HSD17B13: variants seen among roughly 807,000 people sequenced by gnomAD.
The protein encoded by HSD17B13 is 17-beta-hydroxysteroid dehydrogenase 13.
A neutral mutation model predicts 31.1 loss-of-function variants in HSD17B13; 26 were observed. The ratio of observed to expected loss-of-function variants is 0.84; its 90% CI spans 0.61 to 1.16. The LOEUF (loss-of-function observed/expected upper bound fraction) is 1.16, where lower values mean the gene tolerates loss of function less well. HSD17B13 is among the 50% of genes most tolerant of loss of function. The pLI is 0.00. For missense variants in HSD17B13, 374 were observed against 366.5 expected, an observed-to-expected ratio of 1.02 and a Z score of -0.17; for synonymous variants, 141 against 133.7, an observed-to-expected ratio of 1.05 and a Z score of -0.38.
chr4:87,307,994 A>G lies in HSD17B13; in HGVS notation c.812+2249T>C, dbSNP rs1734429988. Among the ~76,000 whole-genome samples the G allele has an allele frequency of 2.0e-5, 3 of 152,316 alleles. No homozygotes were observed. The South Asian group carries it at 6.2e-4, about 32-fold the overall frequency. The stretch of plus-strand genomic sequence containing the variant: ...TTTCAAAAAGGCCCAAGGCTTATGA[A>G]GTTAGTATAGTTATCTTCTCACTGA... On this transcript the variant is annotated intron_variant, in intron 6 of 6. Transcript: ENST00000328546.
intron 6 of HSD17B13, among the ~76,000 whole-genome samples, chr4:87,306,351 A>G (rs889886238): frequency 6.6e-6 from 1 of 152,188 alleles, no homozygotes; most frequent in African/African-American, 2.4e-5. Context: ...GCAAGCCTTC[A>G]CCTCTCCTTT....
At chr4:87,313,746 C>G in intron 5 of HSD17B13, 77 bp downstream of exon 5, 1 of 1,176,046 alleles carries the variant, frequency 8.5e-7, no homozygotes, top group South Asian at 1.6e-5. Context: ...ATTAGTTGGC[C>G]TGCCTAAACA....
chr4:87,322,571 T>G (rs1441000132), intron 1 of HSD17B13, 61 bp downstream of exon 1: 3 of 1,271,518 alleles, frequency 2.4e-6, no homozygotes, highest in African/African-American at 1.5e-5. Context: ...GTAAGTCAAA[T>G]AATTCTTAAA....
intron 1 of HSD17B13, 129 bp downstream of exon 1, chr4:87,322,503 T>C: frequency 1.4e-6 from 1 of 700,376 alleles, no homozygotes; most frequent in Non-Finnish European, 2.5e-6. Context: ...ATATACAGAC[T>C]AAGGGACCAG....
intron 4 of HSD17B13, 91 bp downstream of exon 4, chr4:87,315,402 A>G: frequency 1.7e-6 from 1 of 585,530 alleles, no homozygotes; most frequent in African/African-American, 1.9e-5. Context: ...CAAGATGCCA[A>G]GAACCAGGAC....
Position 87,310,316 on chromosome 4 carries a change from T to A in HSD17B13, c.739A>T (p.Ile247Leu). The A allele has an allele frequency of 6.3e-7, 1 of 1,574,822 alleles. No homozygotes were observed. The highest frequency in any genetic ancestry group is 8.6e-7 in the Non-Finnish European group (1 of 1,165,422). ...LETDEVVRSL[I>L]DGILTNKKMI... ...TTCTTATTGGTAAGTATTCCATCTA[T>A]CAGACTTCTTACGACTTCATCTGTC... Residue 247 changes from isoleucine to leucine, a missense_variant, in exon 6 of 7, where the codon ATA becomes TTA. By Grantham distance (5) the Ile-to-Leu change is conservative. Coordinates refer to ENST00000328546, the MANE Select transcript of HSD17B13 (RefSeq NM_178135.5).
intron 6 of HSD17B13, among the ~76,000 whole-genome samples, chr4:87,306,745 A>T (rs1734396623): frequency 6.6e-6 from 1 of 151,888 alleles, no homozygotes; most frequent in African/African-American, 2.4e-5. Context: ...TCTCTACTAA[A>T]AATACAAAAA....
chr4:87,317,055 G>T (rs1378413539), intron 3 of HSD17B13, 37 bp downstream of exon 3: 9 of 1,604,356 alleles, frequency 5.6e-6, no homozygotes, highest in Non-Finnish European at 7.7e-6. Flanking sequence ...CTTAAGAGAA[G>T]GTGCACAAAT....
chr4:87,315,694 G>A, intron 3 of HSD17B13, 95 bp from the exon 4 acceptor site: 1 of 631,658 alleles, frequency 1.6e-6, no homozygotes, highest in Non-Finnish European at 2.8e-6. Context: ...AAAGGCATTT[G>A]AGAGAACTTA....
chr4:87,318,343 G>C lies in HSD17B13; in HGVS notation c.304C>G (p.Arg102Gly), dbSNP rs778806212. Residue 102 changes from arginine (R) to glycine (G), a missense_variant, in exon 2 of 7, where the codon CGC becomes GGC. Transcript: ENST00000328546. Reference sequence around the variant, plus strand: ...TGCAGTCTCACCTGATTTAGAGAGCGATAGATCTCTTCTCTGTTGCTGCAG... The same window carrying C: ...TGCAGTCTCACCTGATTTAGAGAGCCATAGATCTCTTCTCTGTTGCTGCAG... ...VDCSNREEIY[R>G]SLNQVKKEVG... 1.9e-6 allele frequency: 3 copies of C among 1,612,556 alleles called. No homozygotes were observed. The highest frequency in any genetic ancestry group is 2.7e-5 in the African/African-American group (2 of 75,004).
chr4:87,306,213 C>G (rs1734385448), intron 6 of HSD17B13, among the ~76,000 whole-genome samples: 1 of 152,050 alleles, frequency 6.6e-6, no homozygotes, highest in Non-Finnish European at 1.5e-5. Flanking sequence ...TGATACATAC[C>G]ACTCTTCTCA....
chr4:87,308,452 A>G (rs552213075), intron 6 of HSD17B13, among the ~76,000 whole-genome samples: 19 of 130,870 alleles, frequency 1.5e-4, no homozygotes, highest in African/African-American at 5.1e-4. Context: ...GATCGAGACC[A>G]TCCTGGCTAA....
At position 87,305,168 on chromosome 4, in the gene HSD17B13, A is replaced by G; in HGVS notation, c.*50T>C. The G allele has an allele frequency of 8.4e-7, 1 of 1,190,224 alleles. No individual in the cohort carries two copies. Among genetic ancestry groups the G allele is most frequent in the Non-Finnish European group, 1.2e-6 (1 of 830,562 alleles). The allele number at this position is 1,190,224 out of a possible 1,614,324, so 73.7% of individuals were successfully genotyped here. ...ATAAAGCTTTGCAGCATTGATTCGAAACTATTCATATCATTATCATGCATA... is the reference window on the plus strand; with the variant it reads ...ATAAAGCTTTGCAGCATTGATTCGAGACTATTCATATCATTATCATGCATA... On this transcript the variant is annotated 3_prime_UTR_variant, in exon 7 of 7. Transcript: ENST00000328546.
In HSD17B13 at chr4:87,318,689, T is replaced by C. The variant is rs533345612; in HGVS notation, c.211-253A>G. Among the ~76,000 whole-genome samples the C allele has an allele frequency of 6.6e-5, 10 of 150,848 alleles. No homozygotes were observed. In the East Asian group the frequency reaches 1.8e-3, roughly 27 times the overall value. On this transcript the variant is annotated intron_variant, in intron 1 of 6. Transcript: ENST00000328546. ...GGTGTGGGCCTGTAATCCCAGCTAC[T>C]TGGGAGGCTGAGGCAGGATAATTGC...
intron 6 of HSD17B13, 30 bp downstream of exon 6, chr4:87,310,213 T>C: frequency 6.5e-7 from 1 of 1,528,946 alleles, no homozygotes; most frequent in Non-Finnish European, 8.7e-7. Context: ...ATTGGTGTTT[T>C]AGTATTTGGG....
intron 5 of HSD17B13, among the ~76,000 whole-genome samples, chr4:87,310,930 G>A (rs1038134967): frequency 2.6e-5 from 4 of 152,144 alleles, no homozygotes; most frequent in Non-Finnish European, 4.4e-5. Flanking sequence ...TGAGATAGGA[G>A]GTTGGCACAA....
intron 1 of HSD17B13, among the ~76,000 whole-genome samples, chr4:87,320,026 C>A (rs1475484915): frequency 6.6e-6 from 1 of 152,152 alleles, no homozygotes; most frequent in Non-Finnish European, 1.5e-5. Flanking sequence ...CCCTATTCTT[C>A]GTGTATTGAG....
chr4:87,314,641 T>TCTCTCTCTCACACACA (rs373166006), intron 4 of HSD17B13, among the ~76,000 whole-genome samples: 108 of 142,246 alleles, frequency 7.6e-4, no homozygotes, highest in Middle Eastern at 3.5e-3. Flanking sequence ...TCTCTCTCTC[T>TCTCTCTCTCACACACA]CACACACACA....
chr4:87,318,205 A>C, intron 2 of HSD17B13, 124 bp downstream of exon 2: 1 of 696,390 alleles, frequency 1.4e-6, no homozygotes, highest in Non-Finnish European at 2.5e-6. Context: ...TGGTGACATA[A>C]CTACTTCAGT....
Sources: allele counts gnomAD v4.1 joint callset (sites outside exome capture counted in the v4.1 genomes callset), GRCh38; gene constraint gnomAD v4.1.1; transcripts MANE v1.5; gene names NCBI Gene and HGNC (gene_info 2026-07-23, HGNC 2026-07-21).